Variants in NEURL4 observed in about 807,000 individuals in gnomAD.
NEURL4 encodes neuralized E3 ubiquitin protein ligase 4, also known as neuralized-like protein 4.
Under a neutral mutation model 148.0 loss-of-function variants are expected in NEURL4, and 45 were observed. The observed-to-expected ratio is 0.30, with a 90% confidence interval of 0.24 to 0.39. The LOEUF is 0.39. NEURL4 is among the 10% of genes least tolerant of loss of function. The pLI, the probability that NEURL4 is intolerant of heterozygous loss-of-function variation, is 1.00. For missense variants in NEURL4, 1,776 were observed against 2,144.0 expected, an observed-to-expected ratio of 0.83 and a Z score of 3.39; for synonymous variants, 854 against 869.0, an observed-to-expected ratio of 0.98 and a Z score of 0.30.
At chr17:7,316,363 T>G in intron 28 of NEURL4, 36 bp from the exon 29 acceptor site, 1 of 1,554,200 alleles carries the variant, frequency 6.4e-7, no homozygotes, top group Non-Finnish European at 8.8e-7. Context: ...GTGAAGCCTC[T>G]CGCCCCATCA....
Position 7,327,427 on chromosome 17 carries a change from G to C in NEURL4, c.727+13C>G, listed in dbSNP as rs1469406956. ...TCCCCACCCCACCACCACTGCCCTA[G>C]CTGTGTTCTCACCTTCATCTGCAGA... is the stretch of plus-strand genomic sequence containing the variant. On this transcript the variant is annotated intron_variant, in intron 2 of 28. Transcript: ENST00000399464. This position sits in a 1 kb window ranked among gnomAD's most constrained non-coding sequence, Gnocchi z 6.6. 1.3e-6 allele frequency: 2 copies of C among 1,543,206 alleles called. No homozygotes were observed. The highest frequency in any genetic ancestry group is 1.9e-5 in the Admixed American group (1 of 52,536).
At chr17:7,325,053 G>C (rs1218467823) in intron 8 of NEURL4, 73 bp from the exon 9 acceptor site, 104 of 1,579,652 alleles carry the variant, frequency 6.6e-5, no homozygotes, top group Non-Finnish European at 8.2e-5. Context: ...GCCCAGCAAT[G>C]CCTGCCAACA....
Position 7,318,445 on chromosome 17 carries a change from A to G in NEURL4, c.3864+50T>C. The G allele has an allele frequency of 6.2e-7, 1 of 1,607,262 alleles. No individual in the cohort carries two copies. The highest frequency in any genetic ancestry group is 8.5e-7 in the Non-Finnish European group (1 of 1,175,502). On this transcript the variant is annotated intron_variant, in intron 23 of 28. Coordinates refer to ENST00000399464, the MANE Select transcript of NEURL4 (RefSeq NM_032442.3). The surrounding 1 kb of genome is among the most constrained non-coding windows in gnomAD (Gnocchi z 4.3). ...GGAACAGAGATTTCCCCTGTCCTGG[A>G]CAGCGCAGACTCTCAGGCACCCCTC...
rs760725843 is a variant in NEURL4, at chr17:7,323,728, C to T, written c.2262-5G>A. 3.1e-6 allele frequency: 5 copies of T among 1,613,880 alleles called. No homozygotes were observed. In the East Asian group the frequency reaches 1.1e-4, roughly 36 times the overall value. On this transcript the variant is annotated splice_region_variant and splice_polypyrimidine_tract_variant and intron_variant, in intron 12 of 28. Coordinates refer to ENST00000399464, the MANE Select transcript of NEURL4 (RefSeq NM_032442.3). Reference sequence around the variant, plus strand: ...AGCTCTCCATCCCGCAGGGCCCTGCCAGGAGACTGGCGATCAGAGAGGCTC... The same window carrying T: ...AGCTCTCCATCCCGCAGGGCCCTGCTAGGAGACTGGCGATCAGAGAGGCTC...
rs754696570 is a variant in NEURL4, at chr17:7,318,491, T to C, written c.3864+4A>G. 3.1e-6 allele frequency: 5 copies of C among 1,604,320 alleles called. No homozygotes were observed. The highest frequency in any genetic ancestry group is 4.3e-6 in the Non-Finnish European group (5 of 1,174,050). Reference sequence around the variant, plus strand: ...CCCTCCTCCCTGCCCCCACTGCCACTAACCTGCTCACACTGCCCATAGAGG... The same window carrying C: ...CCCTCCTCCCTGCCCCCACTGCCACCAACCTGCTCACACTGCCCATAGAGG... On this transcript the variant is annotated splice_donor_region_variant and intron_variant, in intron 23 of 28. Transcript: ENST00000399464. This position sits in a 1 kb window ranked among gnomAD's most constrained non-coding sequence, Gnocchi z 4.3.
chr17:7,325,745 T>G (rs1198873295), intron 6 of NEURL4, 32 bp from the exon 7 acceptor site: 13 of 1,564,546 alleles, frequency 8.3e-6, no homozygotes, highest in Non-Finnish European at 1.1e-5. Flanking sequence ...TTTAGAGGAG[T>G]CCTGAGGCCT....
intron 1 of NEURL4, among the ~76,000 whole-genome samples, chr17:7,328,312 C>T (rs1414402221): frequency 1.3e-5 from 2 of 152,232 alleles, no homozygotes; most frequent in African/African-American, 4.8e-5. Context: ...TTTCTGTGAG[C>T]CTGGCCTCTT....
At chr17:7,320,982 C>T in intron 20 of NEURL4, 59 bp from the exon 21 acceptor site, 1 of 1,603,570 alleles carries the variant, frequency 6.2e-7, no homozygotes, top group South Asian at 1.1e-5. Context: ...TGACCCACCC[C>T]ACTGGAGTTT....
chr17:7,321,756 G>A lies in NEURL4; in HGVS notation c.2903C>T (p.Ala968Val). The A allele has an allele frequency of 6.2e-7, 1 of 1,613,504 alleles. No individual in the cohort carries two copies. Among genetic ancestry groups the A allele is most frequent in the Non-Finnish European group, 8.5e-7 (1 of 1,180,008 alleles). The change falls in exon 18 of 29, where the codon GCA becomes GTA. Residue 968 changes from alanine to valine, a missense_variant. Transcript: ENST00000399464. This position sits in a 1 kb window ranked among gnomAD's most constrained non-coding sequence, Gnocchi z 6.3. Reference sequence around the variant, plus strand: ...GGTCAGCCCCAGCCGCAGGGAACCTGCCCACTTCTCATCTAGCTCTTCCAC... The same window carrying A: ...GGTCAGCCCCAGCCGCAGGGAACCTACCCACTTCTCATCTAGCTCTTCCAC... ...VKVEELDEKW[A>V]GSLRLGLTTL...
In NEURL4 at chr17:7,323,070, T is replaced by C; in HGVS notation, c.2471A>G (p.Asp824Gly). 1 of 1,613,782 alleles carries C rather than the reference T, an allele frequency of 6.2e-7. No homozygotes were observed. Among genetic ancestry groups the C allele is most frequent in the Non-Finnish European group, 8.5e-7 (1 of 1,179,960 alleles). ...TGCACCTGTGCCCAGCGCATCCAGG[T>C]CACACCCATAATTGTTGCGCATCGT... ...GNTMRNNYGC[D>G]LDALGTGARI... Residue 824 changes from aspartate (D) to glycine (G), a missense_variant, in exon 15 of 29, where the codon GAC becomes GGC. By Grantham distance (94) the Asp-to-Gly change is moderately conservative (BLOSUM62 -1). Transcript: ENST00000399464.
rs2073077256 is a variant in NEURL4 at position 7,324,629 on chromosome 17, T to G, written c.1814-149A>C. ...TCTTCCCTGAGCAGGACAAGAAAAC[T>G]CTGCAGCTTCCAAGACAGCCACAGC... On this transcript the variant is annotated intron_variant, in intron 9 of 28. Transcript: ENST00000399464. The surrounding 1 kb of genome is among the most constrained non-coding windows in gnomAD (Gnocchi z 5.9). The G allele has an allele frequency of 9.4e-7, 1 of 1,066,006 alleles. No individual in the cohort carries two copies. The highest frequency in any genetic ancestry group is 2.3e-5 in the Admixed American group (1 of 43,382). The allele number at this position is 1,066,006 out of a possible 1,614,324, so 66.0% of individuals were successfully genotyped here. A position where few individuals can be genotyped will look rare whatever the true frequency, so the allele number is the denominator to read the frequency against.
At position 7,316,193 on chromosome 17, in the gene NEURL4, G is replaced by C. The variant is rs200928306; in HGVS notation, c.4619C>G (p.Ala1540Gly). The change falls in exon 29 of 29, where the codon GCC becomes GGC. Residue 1540 changes from alanine to glycine, a missense_variant. Transcript: ENST00000399464. ...GEPPDPHFSP[A>G]ELEWVTKEKG... ...CTCCTTAGTGACCCACTCAAGTTCG[G>C]CTGGACTGAAGTGAGGGTCAGGAGG... is the stretch of plus-strand genomic sequence containing the variant. 1.9e-5 allele frequency: 30 copies of C among 1,609,636 alleles called. No individual in the cohort carries two copies. The African/African-American group carries it at 3.9e-4, about 21-fold the overall frequency.
intron 1 of NEURL4, among the ~76,000 whole-genome samples, chr17:7,328,510 TCTC>T (rs2073132215): frequency 6.6e-6 from 1 of 152,158 alleles, no homozygotes; most frequent in Admixed American, 6.6e-5. Flanking sequence ...TTCAAGCCAT[TCTC>T]CTGCCTCAGC....
chr17:7,324,332 C>A lies in NEURL4; in HGVS notation c.1900-62G>T, dbSNP rs1335546933. On this transcript the variant is annotated intron_variant, in intron 10 of 28. Coordinates refer to ENST00000399464, the MANE Select transcript of NEURL4 (RefSeq NM_032442.3). The surrounding 1 kb of genome is among the most constrained non-coding windows in gnomAD (Gnocchi z 5.9). Reference sequence around the variant, plus strand: ...AGAGTTCCTGCCGGGGCTGGTCCTGCATCAGCCCCGCGGTGTTTGTGATGC... The same window carrying A: ...AGAGTTCCTGCCGGGGCTGGTCCTGAATCAGCCCCGCGGTGTTTGTGATGC... 6.2e-7 allele frequency: 1 copy of A among 1,613,396 alleles called. No homozygotes were observed. Among genetic ancestry groups the A allele is most frequent in the Non-Finnish European group, 8.5e-7 (1 of 1,179,630 alleles).
In NEURL4 at chr17:7,326,575, G is replaced by A; in HGVS notation, c.1093-27C>T. On this transcript the variant is annotated intron_variant, in intron 4 of 28. Coordinates refer to ENST00000399464, the MANE Select transcript of NEURL4 (RefSeq NM_032442.3). This position sits in a 1 kb window ranked among gnomAD's most constrained non-coding sequence, Gnocchi z 6.0. ...TGGCATTGAGGGACAGAAGGGAGAA[G>A]CAGGGAATGTAAATGCAGAAAGGGA... 6.2e-7 allele frequency: 1 copy of A among 1,610,914 alleles called. No homozygotes were observed. The highest frequency in any genetic ancestry group is 8.5e-7 in the Non-Finnish European group (1 of 1,177,194).
Position 7,328,968 on chromosome 17 carries a change from C to T in NEURL4, c.282+63G>A, listed in dbSNP as rs369887458. 2.1e-5 allele frequency: 31 copies of T among 1,442,444 alleles called. No individual in the cohort carries two copies. In the South Asian group the frequency reaches 2.2e-4, roughly 10 times the overall value. 89.4% of individuals were successfully genotyped at this position (1,442,444 alleles called of 1,614,324 possible). A position where few individuals can be genotyped will look rare whatever the true frequency, so the allele number is the denominator to read the frequency against. On this transcript the variant is annotated intron_variant, in intron 1 of 28. Transcript: ENST00000399464. ...GTGGGCTACCCTGGCTGTCCTACCC[C>T]GTCTCCCTCTAGACGCCTCCCACCA... is the stretch of plus-strand genomic sequence containing the variant.
In NEURL4 at chr17:7,321,308, C is replaced by T; in HGVS notation, c.3199-35G>A. 1 of 1,613,306 alleles carries T rather than the reference C, an allele frequency of 6.2e-7. No homozygotes were observed. Among genetic ancestry groups the T allele is most frequent in the Non-Finnish European group, 8.5e-7 (1 of 1,179,414 alleles). Reference sequence around the variant, plus strand: ...ACACAAGACCCAGAAAATCAGAGATCAGCAGAAGACCTCAACCATCCTCCC... The same window carrying T: ...ACACAAGACCCAGAAAATCAGAGATTAGCAGAAGACCTCAACCATCCTCCC... On this transcript the variant is annotated intron_variant, in intron 19 of 28. Coordinates refer to ENST00000399464, the MANE Select transcript of NEURL4 (RefSeq NM_032442.3). This position sits in a 1 kb window ranked among gnomAD's most constrained non-coding sequence, Gnocchi z 6.3.
intron 21 of NEURL4, 128 bp from the exon 22 acceptor site, chr17:7,319,336 A>G (rs1206348747): frequency 3.7e-6 from 2 of 547,194 alleles, no homozygotes; most frequent in African/African-American, 2.1e-5. Flanking sequence ...TTATGCTTGG[A>G]AGGACCAGAA....
Position 7,318,087 on chromosome 17 carries a change from G to A in NEURL4, c.4038C>T (p.Phe1346=), listed in dbSNP as rs748614049. The A allele has an allele frequency of 3.1e-6, 5 of 1,614,176 alleles. No homozygotes were observed. Among genetic ancestry groups the A allele is most frequent in the East Asian group, 2.2e-5 (1 of 44,876 alleles). ...CACCGGGAAGCAGCAGGAGTTCTTG[G>A]AAGCGAGAGCAAAGGGCATGGTACT... The part of the protein sequence containing the change: ...SCEYHALCSR[F]QELLLLPEDY... The change falls in exon 25 of 29, where the codon TTC becomes TTT. Residue 1346 remains phenylalanine, a synonymous_variant. Transcript: ENST00000399464. This position sits in a 1 kb window ranked among gnomAD's most constrained non-coding sequence, Gnocchi z 4.3.
Sources: allele counts gnomAD v4.1 joint callset (sites outside exome capture counted in the v4.1 genomes callset), GRCh38; gene constraint gnomAD v4.1.1; non-coding constraint Gnocchi (gnomAD v3.1); transcripts MANE v1.5; gene names NCBI Gene and HGNC (gene_info 2026-07-23, HGNC 2026-07-21).